The following GRIK1 variants were observed in gnomAD, a reference collection of about 807,000 sequenced individuals.
The protein encoded by GRIK1 is glutamate receptor ionotropic, kainate 1.
In GRIK1, 69 loss-of-function variants were observed where a neutral mutation model predicts 105.7. That is an observed-to-expected ratio of 0.65 (90% CI 0.54 to 0.80). The LOEUF (loss-of-function observed/expected upper bound fraction) is 0.80. Ranked by LOEUF, GRIK1 falls within the 30% of genes least tolerant of loss-of-function variation. The pLI is 0.00. For synonymous variants in GRIK1, 438 were observed against 431.3 expected (o/e 1.02, Z -0.19); for missense variants, 1,109 against 1,167.3 (o/e 0.95, Z 0.73).
intron 7 of GRIK1, among the ~76,000 whole-genome samples, chr21:29,622,110 C>A (rs570940774): frequency 4.6e-5 from 7 of 152,126 alleles, no homozygotes; most frequent in African/African-American, 1.7e-4. Context: ...CCACACCTGG[C>A]TAATTTTTGT....
intron 1 of GRIK1, among the ~76,000 whole-genome samples, chr21:29,812,741 C>T (rs187353250): frequency 2.4e-4 from 36 of 152,220 alleles, no homozygotes; most frequent in Admixed American, 1.6e-3. Context: ...CAAAACAAGC[C>T]GGCCAGGCTG....
intron 15 of GRIK1, among the ~76,000 whole-genome samples, chr21:29,559,468 C>T (rs1382912723): frequency 6.6e-6 from 1 of 151,906 alleles, no homozygotes; most frequent in African/African-American, 2.4e-5. Flanking sequence ...ACTTCACTAG[C>T]GATATTAGTA....
intron 1 of GRIK1, among the ~76,000 whole-genome samples, chr21:29,742,868 A>C (rs2064963379): frequency 6.6e-6 from 1 of 152,134 alleles, no homozygotes; most frequent in Admixed American, 6.5e-5. Context: ...CATTGCTTTG[A>C]GATGGCACCT....
intron 1 of GRIK1, among the ~76,000 whole-genome samples, chr21:29,897,678 A>T (rs954222454): frequency 2.6e-5 from 4 of 152,250 alleles, no homozygotes; most frequent in African/African-American, 9.6e-5. Context: ...TTAATGTGAC[A>T]TCTTAAAAGC....
Position 29,651,111 on chromosome 21 carries a change from G to GACTT in GRIK1, c.954+3_954+6dup. The GACTT allele has an allele frequency of 2.5e-6, 4 of 1,593,706 alleles. No individual in the cohort carries two copies. In the South Asian group the frequency reaches 4.5e-5, roughly 18 times the overall value. ...CTTGCAAATGATTTTATTTGAAAAT[G>GACTT]ACTTACTGTCATCATGCCATCCAAA... is the stretch of plus-strand genomic sequence containing the variant. On this transcript the variant is annotated splice_region_variant and intron_variant, in intron 6 of 17. Transcript: ENST00000327783.
intron 13 of GRIK1, 78 bp from the exon 14 acceptor site, chr21:29,577,259 A>G (rs2090918174): frequency 1.3e-6 from 1 of 790,368 alleles, no homozygotes; most frequent in South Asian, 1.6e-5. Context: ...ACACTATTCT[A>G]GGAAGATCAA....
intron 1 of GRIK1, among the ~76,000 whole-genome samples, chr21:29,819,910 C>G (rs2067252628): frequency 6.6e-6 from 1 of 152,012 alleles, no homozygotes; most frequent in Non-Finnish European, 1.5e-5. Flanking sequence ...GATTGCTGAT[C>G]TTTGTTCAAA....
In GRIK1 at chr21:29,939,377, A is replaced by T. The variant is rs1176443167; in HGVS notation, c.118+6T>A. 2.0e-6 allele frequency: 3 copies of T among 1,471,356 alleles called. No homozygotes were observed. The highest frequency in any genetic ancestry group is 2.8e-5 in the African/African-American group (2 of 71,416). The allele number at this position is 1,471,356 out of a possible 1,614,324, so 91.1% of individuals were successfully genotyped here. On this transcript the variant is annotated splice_donor_region_variant and intron_variant, in intron 1 of 17. Transcript: ENST00000327783. ...CTCCCGAGCAGGCAGCCTGGGGCTC[A>T]CTCACCGATCCTGAGTACTTGCGGG...
chr21:29,591,311 G>A, intron 9 of GRIK1, 86 bp from the exon 10 acceptor site: 1 of 821,394 alleles, frequency 1.2e-6, no homozygotes, highest in Non-Finnish European at 2.2e-6. Context: ...CCAGGAATGG[G>A]CACAAAAGCT....
intron 1 of GRIK1, among the ~76,000 whole-genome samples, chr21:29,754,649 A>G (rs1441925864): frequency 6.6e-6 from 1 of 152,210 alleles, no homozygotes; most frequent in East Asian, 1.9e-4. Context: ...CATTCAATTA[A>G]GCACTAACCT....
Position 29,715,589 on chromosome 21 carries a change from C to T in GRIK1, c.119-21526G>A, listed in dbSNP as rs558479023. On this transcript the variant is annotated intron_variant, in intron 1 of 17. Coordinates refer to ENST00000327783, the MANE Select transcript of GRIK1 (RefSeq NM_001330994.2). ...GCATGTAGCTCACATCGCTTGCCTC[C>T]CCCTAATGCTGACCCTACCAAGAAC... Among the ~76,000 whole-genome samples the T allele has an allele frequency of 1.5e-4, 22 of 151,230 alleles. No individual in the cohort carries two copies. In the South Asian group the frequency reaches 2.7e-3, roughly 19 times the overall value.
chr21:29,847,431 C>T (rs2068157273), intron 1 of GRIK1, among the ~76,000 whole-genome samples: 1 of 152,138 alleles, frequency 6.6e-6, no homozygotes, highest in Non-Finnish European at 1.5e-5. Flanking sequence ...TCCGTCTCTA[C>T]TAAAAATACA....
chr21:29,834,433 C>A (rs926064448), intron 1 of GRIK1, among the ~76,000 whole-genome samples: 9 of 150,998 alleles, frequency 6.0e-5, no homozygotes, highest in Non-Finnish European at 1.3e-4. Flanking sequence ...CCACTACTAA[C>A]CATCAGTGAA....
rs143376304 is a variant in GRIK1 at position 29,624,364 on chromosome 21, G to T, written c.1098+18462C>A. ...TAGTACCAGCCTGTTTTCCATTGCA[G>T]AATATTTAAAAATGGTATAAGATAT... On this transcript the variant is annotated intron_variant, in intron 7 of 17. Transcript: ENST00000327783. Among the ~76,000 whole-genome samples, 10 of 152,164 alleles carry T rather than the reference G, an allele frequency of 6.6e-5. No homozygotes were observed. The East Asian group carries it at 1.9e-3, about 29-fold the overall frequency.
In GRIK1 at chr21:29,587,465, G is replaced by A; in HGVS notation, c.1694C>T (p.Pro565Leu). 6.2e-7 allele frequency: 1 copy of A among 1,613,374 alleles called. No individual in the cohort carries two copies. The highest frequency in any genetic ancestry group is 8.5e-7 in the Non-Finnish European group (1 of 1,179,346). ...ILYRKPNGTN[P>L]GVFSFLNPLS... is the part of the protein sequence containing the mutation. ...GGGGTTGAGGAAGGAGAAAACGCCT[G>A]GATTGGTACCATTGGGCTTCCGGTA... The change falls in exon 12 of 18, where the codon CCA (proline) becomes CTA (leucine). Residue 565 changes from proline (P) to leucine (L), a missense_variant. Coordinates refer to ENST00000327783, the MANE Select transcript of GRIK1 (RefSeq NM_001330994.2).
At chr21:29,653,968 T>C (rs2062794141) in intron 5 of GRIK1, among the ~76,000 whole-genome samples, 1 of 152,228 alleles carries the variant, frequency 6.6e-6, no homozygotes, top group African/African-American at 2.4e-5. Flanking sequence ...TTATTCTAAA[T>C]TCTTTGAATT....
chr21:29,884,570 A>C (rs1039972179), intron 1 of GRIK1, among the ~76,000 whole-genome samples: 1 of 152,042 alleles, frequency 6.6e-6, no homozygotes, highest in Admixed American at 6.6e-5. Flanking sequence ...GACGTAAAAC[A>C]TAAGAAAACA....
chr21:29,908,607 G>T (rs868558226), intron 1 of GRIK1, among the ~76,000 whole-genome samples: 1 of 152,188 alleles, frequency 6.6e-6, no homozygotes, highest in East Asian at 1.9e-4. Flanking sequence ...CTCACTAGTC[G>T]AGACAAGCTG....
At chr21:29,674,067 T>G (rs9305400) in intron 3 of GRIK1, among the ~76,000 whole-genome samples, 1 of 137,300 alleles carries the variant, frequency 7.3e-6, no homozygotes, top group Non-Finnish European at 1.5e-5. Flanking sequence ...ATTGAGTTTT[T>G]TTTTTTGTTG....
Sources: allele counts gnomAD v4.1 joint callset (sites outside exome capture counted in the v4.1 genomes callset), GRCh38; gene constraint gnomAD v4.1.1; transcripts MANE v1.5; gene names NCBI Gene and HGNC (gene_info 2026-07-23, HGNC 2026-07-21).